Variants in FLRT1 observed in about 807,000 individuals in gnomAD.
FLRT1 encodes fibronectin leucine rich transmembrane protein 1.
In FLRT1, 14 loss-of-function variants were observed where a neutral mutation model predicts 30.9. The ratio of observed to expected loss-of-function variants is 0.45; its 90% confidence interval spans 0.30 to 0.71. The LOEUF (loss-of-function observed/expected upper bound fraction) is 0.71. FLRT1 is among the 30% of genes least tolerant of loss of function. The probability of loss-of-function intolerance (pLI) is 0.08; values close to 1 mark genes in which losing one functional copy is unlikely to be tolerated. For synonymous variants in FLRT1, 368 were observed against 430.4 expected (o/e 0.85, Z 1.80); for missense variants, 737 against 949.2 (o/e 0.78, Z 2.94).
At chr11:64,091,734 C>G (rs1944494438) in intron 1 of FLRT1, among the ~76,000 whole-genome samples, 1 of 152,208 alleles carries the variant, frequency 6.6e-6, no homozygotes, top group African/African-American at 2.4e-5. Flanking sequence ...GGACACTGGC[C>G]ATTAGCACTG....
chr11:64,075,368 T>C (rs971889130), intron 1 of FLRT1, among the ~76,000 whole-genome samples: 1 of 152,244 alleles, frequency 6.6e-6, no homozygotes, highest in Non-Finnish European at 1.5e-5. Context: ...CTGGGCACTA[T>C]CCCAAGCTTG....
At chr11:64,114,482 T>G (rs1267624771) in intron 2 of FLRT1, among the ~76,000 whole-genome samples, 1 of 147,986 alleles carries the variant, frequency 6.8e-6, no homozygotes. Context: ...GATGGAGGGA[T>G]GGTTGAATGG....
chr11:64,088,692 C>T (rs72918433), intron 1 of FLRT1, among the ~76,000 whole-genome samples: 23 of 152,148 alleles, frequency 1.5e-4, no homozygotes, highest in Non-Finnish European at 2.9e-4. Context: ...CTCTGGGTCT[C>T]GGCTGCCCTG....
chr11:64,044,401 A>G (rs2134395525), intron 1 of FLRT1, among the ~76,000 whole-genome samples: 1 of 152,054 alleles, frequency 6.6e-6, no homozygotes, highest in Middle Eastern at 3.4e-3. Context: ...ACAGGCACGC[A>G]CCAACACACT....
Position 64,096,501 on chromosome 11 carries a change from C to T in FLRT1, c.-1037-6693C>T, listed in dbSNP as rs563903794. ...TATGATCTCGGCTCACTGCAACCTCCGCCTTCCGGGTTCAAGCAATTCTCT... is the reference window on the plus strand; with the variant it reads ...TATGATCTCGGCTCACTGCAACCTCTGCCTTCCGGGTTCAAGCAATTCTCT... On this transcript the variant is annotated intron_variant, in intron 1 of 2. Coordinates refer to ENST00000682287, the MANE Select transcript of FLRT1 (RefSeq NM_013280.5). This position sits in a 1 kb window ranked among gnomAD's most constrained non-coding sequence, Gnocchi z 4.6. Among the ~76,000 whole-genome samples the T allele has an allele frequency of 1.7e-3, 253 of 151,908 alleles. 1 individual carries two copies. Among genetic ancestry groups the T allele is most frequent in the Non-Finnish European group, 2.2e-3 (151 of 67,924 alleles).
Position 64,090,833 on chromosome 11 carries a change from G to T in FLRT1, c.-1037-12361G>T, listed in dbSNP as rs543255029. Among the ~76,000 whole-genome samples, 1 of 152,012 alleles carries T rather than the reference G, an allele frequency of 6.6e-6. No individual in the cohort carries two copies. Among genetic ancestry groups the T allele is most frequent in the Non-Finnish European group, 1.5e-5 (1 of 68,006 alleles). Reference sequence around the variant, plus strand: ...GCTCTGCAGAAGCAGAGCCCGAGTCGGGTCCAGCCCTGCACTCCCAGGGAG... The same window carrying T: ...GCTCTGCAGAAGCAGAGCCCGAGTCTGGTCCAGCCCTGCACTCCCAGGGAG... On this transcript the variant is annotated intron_variant, in intron 1 of 2. Transcript: ENST00000682287. This position sits in a 1 kb window ranked among gnomAD's most constrained non-coding sequence, Gnocchi z 4.7.
Position 64,103,651 on chromosome 11 carries a change from GT to G in FLRT1, c.-579del, listed in dbSNP as rs1218114121. 6.6e-5 allele frequency: 10 copies of G among 152,194 alleles called. No individual in the cohort carries two copies. The highest frequency in any genetic ancestry group is 2.2e-4 in the African/African-American group (9 of 41,432). The allele number at this position is 152,194 out of a possible 1,614,324, so 9.4% of individuals were successfully genotyped here. Reference sequence around the variant, plus strand: ...GCCACGCAGAGGCCCTTCAGAAGAGGTGGCGGGCTGCAGACAAAAGGGCAAG... The same window carrying G: ...GCCACGCAGAGGCCCTTCAGAAGAGGGGCGGGCTGCAGACAAAAGGGCAAG... On this transcript the variant is annotated 5_prime_UTR_variant, in exon 2 of 3. Coordinates refer to ENST00000682287, the MANE Select transcript of FLRT1 (RefSeq NM_013280.5).
Position 64,036,353 on chromosome 11 carries a change from C to T in FLRT1, c.-1038+194C>T, listed in dbSNP as rs1024845588. 2.6e-5 allele frequency among the ~76,000 whole-genome samples: 4 copies of T among 152,126 alleles called. No homozygotes were observed. Among genetic ancestry groups the T allele is most frequent in the African/African-American group, 9.7e-5 (4 of 41,450 alleles). On this transcript the variant is annotated intron_variant, in intron 1 of 2. Transcript: ENST00000682287. This position sits in a 1 kb window ranked among gnomAD's most constrained non-coding sequence, Gnocchi z 5.6. ...GGGGTGGGGGTCCCTGAGTCAAGAGCCAAGCACCAGTAGCGGTGGCGCTGG... is the reference window on the plus strand; with the variant it reads ...GGGGTGGGGGTCCCTGAGTCAAGAGTCAAGCACCAGTAGCGGTGGCGCTGG...
chr11:64,067,804 G>C lies in FLRT1; in HGVS notation c.-1038+31645G>C, dbSNP rs1365711144. ...TGTTTTCCCTGACTGAGGGGCGGCTGTGCCACCCCCACACTCCTGAAATGG... is the reference window on the plus strand; with the variant it reads ...TGTTTTCCCTGACTGAGGGGCGGCTCTGCCACCCCCACACTCCTGAAATGG... On this transcript the variant is annotated intron_variant, in intron 1 of 2. Coordinates refer to ENST00000682287, the MANE Select transcript of FLRT1 (RefSeq NM_013280.5). The surrounding 1 kb of genome is among the most constrained non-coding windows in gnomAD (Gnocchi z 4.6). Among the ~76,000 whole-genome samples, 1 of 152,136 alleles carries C rather than the reference G, an allele frequency of 6.6e-6. No homozygotes were observed. Among genetic ancestry groups the C allele is most frequent in the Non-Finnish European group, 1.5e-5 (1 of 68,018 alleles).
At chr11:64,115,174 C>A (rs1039498165) in intron 2 of FLRT1, among the ~76,000 whole-genome samples, 5 of 152,200 alleles carry the variant, frequency 3.3e-5, no homozygotes, top group Non-Finnish European at 5.9e-5. Flanking sequence ...CATGAAGACA[C>A]CTTCCTCACT....
rs1357880714 is a variant in FLRT1, at chr11:64,067,266, G to A, written c.-1038+31107G>A. ...CCACTCCCACCTGTGCGGCACGAGA[G>A]GGAGGGAAGGAGCATCATTAACACG... On this transcript the variant is annotated intron_variant, in intron 1 of 2. Coordinates refer to ENST00000682287, the MANE Select transcript of FLRT1 (RefSeq NM_013280.5). This position sits in a 1 kb window ranked among gnomAD's most constrained non-coding sequence, Gnocchi z 4.6. Among the ~76,000 whole-genome samples, 1 of 152,146 alleles carries A rather than the reference G, an allele frequency of 6.6e-6. No homozygotes were observed. The highest frequency in any genetic ancestry group is 6.5e-5 in the Admixed American group (1 of 15,280).
rs1008582890 is a variant in FLRT1, at chr11:64,064,011, G to A, written c.-1038+27852G>A. ...GGCTCCTCTTGTCAGGCAGCCGCAGGGAGAGAGCGCATCTTCACTGGATCT... is the reference window on the plus strand; with the variant it reads ...GGCTCCTCTTGTCAGGCAGCCGCAGAGAGAGAGCGCATCTTCACTGGATCT... On this transcript the variant is annotated intron_variant, in intron 1 of 2. Coordinates refer to ENST00000682287, the MANE Select transcript of FLRT1 (RefSeq NM_013280.5). This position sits in a 1 kb window ranked among gnomAD's most constrained non-coding sequence, Gnocchi z 4.5. Among the ~76,000 whole-genome samples the A allele has an allele frequency of 6.6e-6, 1 of 152,142 alleles. No individual in the cohort carries two copies. Among genetic ancestry groups the A allele is most frequent in the Non-Finnish European group, 1.5e-5 (1 of 68,034 alleles).
chr11:64,085,173 C>T (rs1226381704), intron 1 of FLRT1, among the ~76,000 whole-genome samples: 1 of 152,144 alleles, frequency 6.6e-6, no homozygotes, highest in Admixed American at 6.5e-5. Context: ...GGGCAGAGGG[C>T]AGCTTGGAGG....
chr11:64,051,356 G>A (rs958095227), intron 1 of FLRT1, among the ~76,000 whole-genome samples: 3 of 152,200 alleles, frequency 2.0e-5, no homozygotes, highest in South Asian at 2.1e-4. Context: ...GGGTGGGTGC[G>A]TGTGGTCACG....
intron 2 of FLRT1, among the ~76,000 whole-genome samples, chr11:64,114,119 C>T (rs1206469524): frequency 1.7e-5 from 2 of 116,604 alleles, no homozygotes; most frequent in African/African-American, 3.4e-5. Context: ...TGGATGGATG[C>T]AAGGACTGGT....
At chr11:64,058,110 TC>T (rs1943825089) in intron 1 of FLRT1, among the ~76,000 whole-genome samples, 1 of 152,240 alleles carries the variant, frequency 6.6e-6, no homozygotes, top group Non-Finnish European at 1.5e-5. Flanking sequence ...ATTTTCCTAA[TC>T]CATGACACCT....
At chr11:64,051,580 C>G (rs1253268883) in intron 1 of FLRT1, among the ~76,000 whole-genome samples, 1 of 152,250 alleles carries the variant, frequency 6.6e-6, no homozygotes, top group East Asian at 1.9e-4. Flanking sequence ...CTGTCCGGGT[C>G]TGACAGACGG....
At chr11:64,080,490 G>A (rs75907903) in intron 1 of FLRT1, among the ~76,000 whole-genome samples, 7,901 of 152,170 alleles carry the variant, frequency 0.052, 449 homozygotes, top group African/African-American at 0.14. Flanking sequence ...CCCCTAAAAA[G>A]AAGCCTCAGG....
At chr11:64,051,123 A>G (rs1280099947) in intron 1 of FLRT1, among the ~76,000 whole-genome samples, 2 of 152,196 alleles carry the variant, frequency 1.3e-5, no homozygotes, top group Non-Finnish European at 2.9e-5. Context: ...TGCAGCCCCC[A>G]AAGCCCCAGG....
Sources: gnomAD v4.1 joint callset for allele counts (sites outside exome capture counted in the v4.1 genomes callset) on GRCh38, gnomAD v4.1.1 for gene constraint, Gnocchi (gnomAD v3.1) non-coding constraint, MANE v1.5 for transcripts, NCBI Gene and HGNC (gene_info 2026-07-23, HGNC 2026-07-21) for gene names.